Variants in NAA25 observed in about 807,000 individuals in gnomAD.
NAA25 encodes N-alpha-acetyltransferase 25, NatB auxiliary subunit.
In NAA25, 30 loss-of-function variants were observed where a neutral mutation model predicts 132.5. The ratio of observed to expected loss-of-function variants is 0.23; its 90% CI spans 0.17 to 0.31. NAA25 has a LOEUF of 0.31. NAA25 is among the 10% of genes least tolerant of loss of function. The pLI, the probability that NAA25 is intolerant of heterozygous loss-of-function variation, is 1.00. For synonymous variants in NAA25, 359 were observed against 401.9 expected (o/e 0.89, Z 1.28); for missense variants, 771 against 1,150.4 (o/e 0.67, Z 4.77).
intron 7 of NAA25, among the ~76,000 whole-genome samples, chr12:112,076,832 C>CA (rs1566021821): frequency 6.6e-6 from 1 of 151,636 alleles, no homozygotes; most frequent in African/African-American, 2.4e-5. Context: ...CCCACCTCTA[C>CA]AAAAAATATA....
chr12:112,086,191 G>A (rs1246413599), intron 4 of NAA25, among the ~76,000 whole-genome samples: 1 of 149,020 alleles, frequency 6.7e-6, no homozygotes, highest in African/African-American at 2.5e-5. Context: ...TAATTACATT[G>A]GGACCCCTCA....
intron 13 of NAA25, among the ~76,000 whole-genome samples, chr12:112,055,839 A>C (rs2078536121): frequency 6.6e-6 from 1 of 152,252 alleles, no homozygotes; most frequent in Non-Finnish European, 1.5e-5. Flanking sequence ...GTCAGTAACA[A>C]CAGCAAAAAT....
chr12:112,069,803 G>C (rs535789454), intron 10 of NAA25, among the ~76,000 whole-genome samples: 89 of 145,770 alleles, frequency 6.1e-4, no homozygotes, highest in African/African-American at 2.2e-3. Flanking sequence ...CTGGGCGACA[G>C]AGAGAGACTC....
At chr12:112,062,544 G>A (rs2078649674) in intron 11 of NAA25, among the ~76,000 whole-genome samples, 1 of 151,966 alleles carries the variant, frequency 6.6e-6, no homozygotes, top group Admixed American at 6.6e-5. Flanking sequence ...GGCCAACACA[G>A]TGAAACCCTG....
At chr12:112,095,103 A>T (rs557342533) in intron 1 of NAA25, among the ~76,000 whole-genome samples, 1 of 152,196 alleles carries the variant, frequency 6.6e-6, no homozygotes, top group South Asian at 2.1e-4. Flanking sequence ...GAAGTACAAG[A>T]CCAGCCCAGG....
intron 13 of NAA25, among the ~76,000 whole-genome samples, chr12:112,054,778 G>A (rs532813581): frequency 3.9e-5 from 6 of 152,210 alleles, no homozygotes; most frequent in Middle Eastern, 6.8e-3. Flanking sequence ...TCTTAAACAT[G>A]CCCACAGCAA....
At chr12:112,059,508 T>C (rs146269568) in intron 13 of NAA25, among the ~76,000 whole-genome samples, 42 of 152,342 alleles carry the variant, frequency 2.8e-4, no homozygotes, top group African/African-American at 9.6e-4. Flanking sequence ...CATCCTTCTC[T>C]TCCTCAATCA....
intron 13 of NAA25, among the ~76,000 whole-genome samples, chr12:112,056,943 A>T (rs564896356): frequency 6.6e-6 from 1 of 152,160 alleles, no homozygotes; most frequent in African/African-American, 2.4e-5. Flanking sequence ...AAATCCCAGC[A>T]CTTTGGGAGG....
intron 1 of NAA25, among the ~76,000 whole-genome samples, chr12:112,100,721 G>A (rs892025935): frequency 1.4e-5 from 2 of 144,332 alleles, no homozygotes; most frequent in African/African-American, 2.6e-5. Context: ...CCGGGCTCAC[G>A]CCATTCTCCT....
intron 1 of NAA25, among the ~76,000 whole-genome samples, chr12:112,098,710 G>A (rs1158322877): frequency 1.3e-5 from 2 of 152,150 alleles, no homozygotes; most frequent in Admixed American, 1.3e-4. Context: ...CAAATGAAAT[G>A]TTTTTAGTCC....
intron 3 of NAA25, 134 bp from the exon 4 acceptor site, chr12:112,087,935 T>C: frequency 1.6e-6 from 1 of 628,626 alleles, no homozygotes; most frequent in South Asian, 1.9e-5. Context: ...CATCCAATCA[T>C]CATTCATCTC....
At chr12:112,045,243 G>A (rs1385604453) in intron 17 of NAA25, among the ~76,000 whole-genome samples, 2 of 152,158 alleles carry the variant, frequency 1.3e-5, no homozygotes, top group Admixed American at 1.3e-4. Flanking sequence ...TGTAATCCCA[G>A]CACTTCGGGA....
chr12:112,044,310 A>G (rs1408500502), intron 17 of NAA25, among the ~76,000 whole-genome samples: 2 of 152,130 alleles, frequency 1.3e-5, no homozygotes, highest in Non-Finnish European at 2.9e-5. Flanking sequence ...TGAATGACCT[A>G]AGACAAGCCA....
rs1265830827 is a variant in NAA25 at position 112,090,717 on chromosome 12, G to A, written c.283+9C>T. 6.3e-7 allele frequency: 1 copy of A among 1,599,014 alleles called. No individual in the cohort carries two copies. Among genetic ancestry groups the A allele is most frequent in the African/African-American group, 1.4e-5 (1 of 73,952 alleles). ...CAAGTTTAAAAACAATGAAAAGAAA[G>A]AAACATACGTCGGTGCATCTCCCGG... is the stretch of plus-strand genomic sequence containing the variant. On this transcript the variant is annotated intron_variant, in intron 3 of 23. Transcript: ENST00000261745.
intron 15 of NAA25, among the ~76,000 whole-genome samples, chr12:112,050,855 C>A (rs1169262356): frequency 2.6e-5 from 4 of 152,098 alleles, no homozygotes; most frequent in African/African-American, 9.7e-5. Flanking sequence ...CCTATGCAGA[C>A]CTTCCAAATA....
intron 1 of NAA25, among the ~76,000 whole-genome samples, chr12:112,093,428 G>C (rs1016326184): frequency 1.3e-5 from 2 of 151,734 alleles, no homozygotes; most frequent in African/African-American, 4.8e-5. Context: ...GTAGCCCCAG[G>C]TACTCGGGAG....
chr12:112,046,087 T>A (rs2078376890), intron 17 of NAA25, among the ~76,000 whole-genome samples: 4 of 152,264 alleles, frequency 2.6e-5, no homozygotes, highest in Admixed American at 2.6e-4. Context: ...GCACTCCAAC[T>A]GTTCCCTAAA....
rs369225630 is a variant in NAA25, at chr12:112,028,674, A to T, written c.*857T>A. On this transcript the variant is annotated 3_prime_UTR_variant, in exon 24 of 24. Coordinates refer to ENST00000261745, the MANE Select transcript of NAA25 (RefSeq NM_024953.4). ...TATATATGACTCACAAAACCAATGA[A>T]ATAAGTATCATACTTGCCTGCATAA... is the stretch of plus-strand genomic sequence containing the variant. 31 of 152,200 alleles carry T rather than the reference A, an allele frequency of 2.0e-4. No homozygotes were observed. Among genetic ancestry groups the T allele is most frequent in the African/African-American group, 7.2e-4 (30 of 41,518 alleles). 9.4% of individuals were successfully genotyped at this position (152,200 alleles called of 1,614,324 possible). A position where few individuals can be genotyped will look rare whatever the true frequency, so the allele number is the denominator to read the frequency against.
intron 11 of NAA25, among the ~76,000 whole-genome samples, chr12:112,062,700 T>C (rs2078653412): frequency 6.6e-6 from 1 of 151,298 alleles, no homozygotes; most frequent in African/African-American, 2.4e-5. Flanking sequence ...TACTCCAGCC[T>C]GGGCAACAAG....
Sources: allele counts gnomAD v4.1 joint callset (sites outside exome capture counted in the v4.1 genomes callset), GRCh38; gene constraint gnomAD v4.1.1; transcripts MANE v1.5; gene names NCBI Gene and HGNC (gene_info 2026-07-23, HGNC 2026-07-21).